The following LRBA variants were observed in gnomAD, a reference collection of about 807,000 sequenced individuals.
LRBA encodes the protein LPS responsive beige-like anchor protein.
In LRBA, 176 loss-of-function variants were observed where a neutral mutation model predicts 330.0. The ratio of observed to expected loss-of-function variants is 0.53; its 90% CI spans 0.47 to 0.60. The LOEUF (loss-of-function observed/expected upper bound fraction) is 0.60, where lower values mean the gene tolerates loss of function less well. Among genes scored for constraint, LRBA ranks in the 20% least tolerant of loss-of-function variants. The pLI is 0.00. For synonymous variants in LRBA, 1,230 were observed against 1,193.0 expected, an observed-to-expected ratio of 1.03 and a Z score of -0.64; for missense variants, 3,259 against 3,444.8, an observed-to-expected ratio of 0.95 and a Z score of 1.35.
At chr4:150,458,368 C>CACA (rs1754345881) in intron 44 of LRBA, among the ~76,000 whole-genome samples, 1 of 151,778 alleles carries the variant, frequency 6.6e-6, no homozygotes, top group Non-Finnish European at 1.5e-5. Flanking sequence ...TAAAGAGTTG[C>CACA]ACAGACACAT....
rs967491373 is a variant in LRBA, at chr4:150,694,066, C to T, written c.5755-10349G>A. 9.2e-5 allele frequency among the ~76,000 whole-genome samples: 14 copies of T among 151,874 alleles called. 1 individual carries two copies. Among genetic ancestry groups the T allele is most frequent in the Admixed American group, 8.5e-4 (13 of 15,238 alleles). ...TTGCTTTTAAAAACAAATCAAAGAA[C>T]GACATAAAAAAGAAAAAGAAATTTC... On this transcript the variant is annotated intron_variant, in intron 36 of 56. Coordinates refer to ENST00000651943, the MANE Select transcript of LRBA (RefSeq NM_001364905.1).
At chr4:150,717,667 C>CAGTAATAGTAATAATAAT in intron 36 of LRBA, among the ~76,000 whole-genome samples, 1 of 15,972 alleles carries the variant, frequency 6.3e-5, no homozygotes, top group East Asian at 9.0e-4. Flanking sequence ...CTCAAAATAA[C>CAGTAATAGTAATAATAAT]AATAATAGTA....
chr4:150,777,370 T>C (rs1468097979), intron 34 of LRBA, among the ~76,000 whole-genome samples: 2 of 148,592 alleles, frequency 1.3e-5, no homozygotes, highest in Non-Finnish European at 2.9e-5. Flanking sequence ...ACATAATTTA[T>C]ATTAAAGAAT....
Position 150,583,394 on chromosome 4 carries a change from A to G in LRBA, c.6330+4654T>C, listed in dbSNP as rs1434838664. 2 of 1,613,926 alleles carry G rather than the reference A, an allele frequency of 1.2e-6. No individual in the cohort carries two copies. Among genetic ancestry groups the G allele is most frequent in the Non-Finnish European group, 1.7e-6 (2 of 1,180,040 alleles). ...GTCGAGTTCATCACGGCGTCGGGCT[A>G]TCTCTCAGCGCGTAAGATCCGCTCG... On this transcript the variant is annotated intron_variant, in intron 40 of 56. Transcript: ENST00000651943. This position sits in a 1 kb window ranked among gnomAD's most constrained non-coding sequence, Gnocchi z 9.8.
chr4:150,294,257 C>T (rs1728691677), intron 53 of LRBA, among the ~76,000 whole-genome samples: 1 of 152,202 alleles, frequency 6.6e-6, no homozygotes, highest in Non-Finnish European at 1.5e-5. Context: ...GTCATAAGAA[C>T]TCAGTATAAT....
intron 2 of LRBA, among the ~76,000 whole-genome samples, chr4:150,942,212 G>T (rs1158653274): frequency 1.3e-5 from 2 of 152,056 alleles, no homozygotes; most frequent in Non-Finnish European, 2.9e-5. Context: ...CAACAATATG[G>T]GTTGGGTAGA....
In LRBA at chr4:150,321,896, T is replaced by C. The variant is rs373194090; in HGVS notation, c.7453-528A>G. Among the ~76,000 whole-genome samples, 1 of 152,206 alleles carries C rather than the reference T, an allele frequency of 6.6e-6. No individual in the cohort carries two copies. Among genetic ancestry groups the C allele is most frequent in the East Asian group, 1.9e-4 (1 of 5,200 alleles). On this transcript the variant is annotated intron_variant, in intron 49 of 56. Transcript: ENST00000651943. This position sits in a 1 kb window ranked among gnomAD's most constrained non-coding sequence, Gnocchi z 4.5. Reference sequence around the variant, plus strand: ...AAGAGGTAATGAAAACAAATACATTTATAAACAATAGTTAGACTGCATGCA... The same window carrying C: ...AAGAGGTAATGAAAACAAATACATTCATAAACAATAGTTAGACTGCATGCA...
rs137943456 is a variant in LRBA, at chr4:150,918,360, G to T, written c.646-1622C>A. Among the ~76,000 whole-genome samples, 634 of 152,218 alleles carry T rather than the reference G, an allele frequency of 4.2e-3. 3 individuals are homozygous for T. Among genetic ancestry groups the T allele is most frequent in the African/African-American group, 0.015 (614 of 41,528 alleles). On this transcript the variant is annotated intron_variant, in intron 5 of 56. Coordinates refer to ENST00000651943, the MANE Select transcript of LRBA (RefSeq NM_001364905.1). ...CAAATAGCCAATAAAAATATAAAAA[G>T]ATGCTCAATATCATTAGTCATAAAG... is the stretch of plus-strand genomic sequence containing the variant.
intron 17 of LRBA, among the ~76,000 whole-genome samples, chr4:150,877,119 A>T (rs1051945267): frequency 4.6e-5 from 7 of 151,930 alleles, no homozygotes; most frequent in African/African-American, 1.7e-4. Flanking sequence ...TTAGCCAACC[A>T]TGGTGGCGGG....
At chr4:150,622,731 C>T (rs1214994428) in intron 37 of LRBA, among the ~76,000 whole-genome samples, 1 of 132,122 alleles carries the variant, frequency 7.6e-6, no homozygotes, top group African/African-American at 3.2e-5. Flanking sequence ...CGGAGTCTTG[C>T]TCTTTCACCA....
intron 35 of LRBA, among the ~76,000 whole-genome samples, chr4:150,754,712 T>C (rs1734057951): frequency 6.6e-6 from 1 of 152,088 alleles, no homozygotes; most frequent in African/African-American, 2.4e-5. Flanking sequence ...GGAAGATCAC[T>C]TGAGCCTGAG....
chr4:150,924,543 T>A (rs1733682191), intron 4 of LRBA, among the ~76,000 whole-genome samples: 1 of 151,752 alleles, frequency 6.6e-6, no homozygotes, highest in Non-Finnish European at 1.5e-5. Flanking sequence ...AAGAAAAAGA[T>A]GTAGTAGTCA....
At chr4:150,699,460 G>A (rs151177833) in intron 36 of LRBA, among the ~76,000 whole-genome samples, 15 of 152,262 alleles carry the variant, frequency 9.9e-5, no homozygotes, top group African/African-American at 2.6e-4. Context: ...TGTAAGATGG[G>A]AAGAGGTATT....
intron 34 of LRBA, among the ~76,000 whole-genome samples, chr4:150,777,186 T>C (rs1436110387): frequency 1.3e-5 from 2 of 151,986 alleles, no homozygotes; most frequent in African/African-American, 2.4e-5. Context: ...CTCAAATTCC[T>C]GACCTCAAGC....
chr4:150,637,971 A>C (rs776486430), intron 37 of LRBA, among the ~76,000 whole-genome samples: 10 of 152,072 alleles, frequency 6.6e-5, no homozygotes, highest in Non-Finnish European at 1.5e-4. Flanking sequence ...CCGACTACCA[A>C]TTTCTATTAA....
rs1438164872 is a variant in LRBA, at chr4:150,277,883, A to G, written c.8438T>C (p.Ile2813Thr). ...GTCGTAAGACAGCGCCATGGCCCGG[A>G]TTCCAGCGTCACATCCTGGATAGGC... The part of the protein sequence containing the change: ...LFAYPGCDAG[I>T]RAMALSYDQR... The change falls in exon 56 of 57, where the codon ATC becomes ACC. Residue 2813 changes from isoleucine (I) to threonine (T), a missense_variant. Ile to Thr is a moderately conservative substitution (Grantham distance 89, BLOSUM62 -1). Coordinates refer to ENST00000651943, the MANE Select transcript of LRBA (RefSeq NM_001364905.1). 6.2e-7 allele frequency: 1 copy of G among 1,614,070 alleles called. No individual in the cohort carries two copies. The highest frequency in any genetic ancestry group is 8.5e-7 in the Non-Finnish European group (1 of 1,180,020).
chr4:150,721,099 T>C, intron 36 of LRBA: 2 of 589,792 alleles, frequency 3.4e-6, no homozygotes, highest in South Asian at 1.5e-5. Context: ...ACAGCAGATG[T>C]CCAGTTACAC....
At chr4:150,806,238 T>C in intron 33 of LRBA, 33 bp downstream of exon 33, 1 of 1,444,656 alleles carries the variant, frequency 6.9e-7, no homozygotes. Flanking sequence ...GAAATATAAA[T>C]ACATACAAAT....
intron 46 of LRBA, among the ~76,000 whole-genome samples, chr4:150,422,114 CA>C (rs1748886194): frequency 6.6e-6 from 1 of 152,016 alleles, no homozygotes; most frequent in African/African-American, 2.4e-5. Context: ...AAACAAAAAT[CA>C]GTCGGGCATC....
Sources: gnomAD v4.1 joint callset for allele counts (sites outside exome capture counted in the v4.1 genomes callset) on GRCh38, gnomAD v4.1.1 for gene constraint, Gnocchi (gnomAD v3.1) non-coding constraint, MANE v1.5 for transcripts, NCBI Gene and HGNC (gene_info 2026-07-23, HGNC 2026-07-21) for gene names.